The following SLMAP variants were observed in gnomAD, a reference collection of about 807,000 sequenced individuals.
SLMAP encodes sarcolemmal membrane-associated protein.
In SLMAP, 44 loss-of-function variants were observed where a neutral mutation model predicts 128.8. The ratio of observed to expected loss-of-function variants is 0.34; its 90% CI spans 0.27 to 0.44. The LOEUF (loss-of-function observed/expected upper bound fraction) is 0.44, where lower values mean the gene tolerates loss of function less well. Among genes scored for constraint, SLMAP ranks in the 20% least tolerant of loss-of-function variants. SLMAP has a pLI of 1.00. For synonymous variants in SLMAP, 327 were observed against 348.8 expected (o/e 0.94, Z 0.70); for missense variants, 787 against 985.3 (o/e 0.80, Z 2.69).
At chr3:57,791,798 A>G (rs2085517689) in intron 2 of SLMAP, among the ~76,000 whole-genome samples, 3 of 152,168 alleles carry the variant, frequency 2.0e-5, no homozygotes. Flanking sequence ...ACTAAACTTT[A>G]GAGTTGAAAC....
intron 2 of SLMAP, among the ~76,000 whole-genome samples, chr3:57,813,337 C>G (rs375440042): frequency 6.6e-6 from 1 of 152,188 alleles, no homozygotes; most frequent in East Asian, 1.9e-4. Context: ...CTCAAGAGAT[C>G]CTCCCGCCTT....
chr3:57,823,177 A>G (rs2092659832), intron 2 of SLMAP, among the ~76,000 whole-genome samples: 1 of 152,184 alleles, frequency 6.6e-6, no homozygotes, highest in Non-Finnish European at 1.5e-5. Context: ...TTATCAGACA[A>G]AAACTTTATC....
At chr3:57,813,482 C>T (rs1376309396) in intron 2 of SLMAP, among the ~76,000 whole-genome samples, 1 of 152,076 alleles carries the variant, frequency 6.6e-6, no homozygotes, top group Non-Finnish European at 1.5e-5. Flanking sequence ...GACAGTGAGC[C>T]TTCTGTATCC....
chr3:57,920,741 G>A (rs1300227027), intron 22 of SLMAP, among the ~76,000 whole-genome samples: 2 of 152,044 alleles, frequency 1.3e-5, no homozygotes, highest in Non-Finnish European at 2.9e-5. Flanking sequence ...AGGGCCGGGT[G>A]CGGTGGCTCA....
chr3:57,802,293 T>G (rs1051627297), intron 2 of SLMAP, among the ~76,000 whole-genome samples: 3 of 152,096 alleles, frequency 2.0e-5, no homozygotes, highest in African/African-American at 7.2e-5. Flanking sequence ...TTTTTTTTTT[T>G]TAAGATGGAG....
chr3:57,861,885 A>G, intron 9 of SLMAP, 64 bp from the exon 10 acceptor site: 1 of 1,379,154 alleles, frequency 7.3e-7, no homozygotes, highest in Non-Finnish European at 1.0e-6. Flanking sequence ...TTTCATTTAG[A>G]AGGAATTCTA....
intron 4 of SLMAP, among the ~76,000 whole-genome samples, chr3:57,843,224 CT>C (rs1463975904): frequency 2.7e-5 from 4 of 149,460 alleles, no homozygotes; most frequent in Non-Finnish European, 5.9e-5. Context: ...AACAAGCTGA[CT>C]TTTTTCCTTC....
chr3:57,767,945 G>C (rs2153439087), intron 2 of SLMAP, among the ~76,000 whole-genome samples: 1 of 152,268 alleles, frequency 6.6e-6, no homozygotes, highest in South Asian at 2.1e-4. Flanking sequence ...AATAACTCAA[G>C]TTAATTATTT....
At chr3:57,786,698 A>T (rs1477741337) in intron 2 of SLMAP, among the ~76,000 whole-genome samples, 1 of 149,226 alleles carries the variant, frequency 6.7e-6, no homozygotes, top group African/African-American at 2.5e-5. Context: ...CTGGTATTAC[A>T]GGTGCCCACC....
intron 2 of SLMAP, among the ~76,000 whole-genome samples, chr3:57,769,613 G>A (rs554567772): frequency 2.0e-5 from 3 of 152,134 alleles, no homozygotes; most frequent in South Asian, 2.1e-4. Flanking sequence ...GTGAGCTACC[G>A]CACCTAGGCC....
chr3:57,893,132 T>C (rs987837619), intron 15 of SLMAP, among the ~76,000 whole-genome samples: 2 of 151,712 alleles, frequency 1.3e-5, no homozygotes, highest in Admixed American at 1.3e-4. Flanking sequence ...TTATTCAGAG[T>C]AGATATATGC....
rs186850251 is a variant in SLMAP at position 57,772,882 on chromosome 3, C to T, written c.198+15033C>T. On this transcript the variant is annotated intron_variant, in intron 2 of 24. Transcript: ENST00000671191. ...CTTGAACTCCGGACCTTAGGTGATCCGCCCGCCTCGGCCTCCCAAAGTGCT... is the reference window on the plus strand; with the variant it reads ...CTTGAACTCCGGACCTTAGGTGATCTGCCCGCCTCGGCCTCCCAAAGTGCT... Among the ~76,000 whole-genome samples the T allele has an allele frequency of 9.2e-5, 14 of 152,190 alleles. No homozygotes were observed. In the East Asian group the frequency reaches 2.3e-3, roughly 25 times the overall value.
intron 2 of SLMAP, among the ~76,000 whole-genome samples, chr3:57,772,561 G>T (rs1193720983): frequency 1.3e-5 from 2 of 152,122 alleles, no homozygotes; most frequent in East Asian, 1.9e-4. Context: ...CTTTGGCACT[G>T]TTGTTATTGC....
chr3:57,847,419 C>T (rs2094307970), intron 5 of SLMAP, among the ~76,000 whole-genome samples, 186 bp downstream of exon 5: 1 of 152,108 alleles, frequency 6.6e-6, no homozygotes, highest in African/African-American at 2.4e-5. Context: ...ATGGATGTTT[C>T]TTCAGAAAAA....
chr3:57,906,204 C>A (rs1322693448), intron 17 of SLMAP, among the ~76,000 whole-genome samples: 2 of 151,028 alleles, frequency 1.3e-5, no homozygotes, highest in African/African-American at 2.4e-5. Flanking sequence ...CTGGAAAAAT[C>A]TCTCTCTCTA....
At chr3:57,847,441 C>T (rs1305476153) in intron 5 of SLMAP, among the ~76,000 whole-genome samples, 1 of 152,154 alleles carries the variant, frequency 6.6e-6, no homozygotes, top group East Asian at 1.9e-4. Context: ...GCTTTGTTAT[C>T]TCAGTTAAAT....
intron 19 of SLMAP, among the ~76,000 whole-genome samples, chr3:57,912,051 G>A (rs2096713955): frequency 6.6e-6 from 1 of 151,538 alleles, no homozygotes; most frequent in Non-Finnish European, 1.5e-5. Context: ...TGTTGAAAGA[G>A]TTTCATCAAC....
chr3:57,805,034 G>T (rs976276844), intron 2 of SLMAP, among the ~76,000 whole-genome samples: 17 of 152,114 alleles, frequency 1.1e-4, no homozygotes, highest in African/African-American at 3.9e-4. Context: ...TGTGATCTCT[G>T]TTGGCTTTTT....
At chr3:57,786,552 CT>C (rs34574598) in intron 2 of SLMAP, among the ~76,000 whole-genome samples, 542 of 129,944 alleles carry the variant, frequency 4.2e-3, no homozygotes, top group Admixed American at 5.5e-3. Flanking sequence ...AATTATATAG[CT>C]TTTTTTTTTT....
Sources: gnomAD v4.1 joint callset for allele counts (sites outside exome capture counted in the v4.1 genomes callset) on GRCh38, gnomAD v4.1.1 for gene constraint, MANE v1.5 for transcripts, NCBI Gene and HGNC (gene_info 2026-07-23, HGNC 2026-07-21) for gene names.